Variants in LYST observed in about 807,000 individuals in gnomAD.
LYST encodes lysosomal trafficking regulator.
Under a neutral mutation model 413.6 loss-of-function variants are expected in LYST, and 192 were observed. That is an observed-to-expected ratio of 0.46 (90% confidence interval 0.41 to 0.52). The LOEUF (loss-of-function observed/expected upper bound fraction) is 0.52. Among genes scored for constraint, LYST ranks in the 20% least tolerant of loss-of-function variants. The pLI, the probability that LYST is intolerant of heterozygous loss-of-function variation, is 0.00. For synonymous variants in LYST, 1,525 were observed against 1,567.3 expected (o/e 0.97, Z 0.64); for missense variants, 3,815 against 4,499.9 (o/e 0.85, Z 4.35).
At chr1:235,775,670 G>A (rs191197918) in intron 17 of LYST, among the ~76,000 whole-genome samples, 1 of 152,064 alleles carries the variant, frequency 6.6e-6, no homozygotes, top group Non-Finnish European at 1.5e-5. Flanking sequence ...TTAAGGGAAG[G>A]CTACACAGAG....
At chr1:235,718,148 G>A (rs1160011153) in intron 40 of LYST, among the ~76,000 whole-genome samples, 3 of 150,518 alleles carry the variant, frequency 2.0e-5, no homozygotes, top group African/African-American at 4.9e-5. Context: ...ACAGGCGTGA[G>A]CCACCACGCC....
At position 235,775,026 on chromosome 1, in the gene LYST, A is replaced by C. The variant is rs531587890; in HGVS notation, c.5521T>G (p.Leu1841Val). The change falls in exon 18 of 53, where the codon TTA becomes GTA. Residue 1841 changes from leucine to valine, a missense_variant. By Grantham distance (32) the Leu-to-Val change is conservative (BLOSUM62 1). This residue lies in a region of LYST where 530 missense variants were observed against 696.5 expected (regional missense o/e 0.76). Coordinates refer to ENST00000389793, the MANE Select transcript of LYST (RefSeq NM_000081.4). ...ACTCTTTGTTGGTTGTATTTAATTA[A>C]TGAGAGTATAACTCGCAGTGCTAAT... ...QALALRVILS[L>V]IKYNQQRVHE... is the part of the protein sequence containing the mutation. 2 of 1,611,712 alleles carry C rather than the reference A, an allele frequency of 1.2e-6. No individual in the cohort carries two copies. The highest frequency in any genetic ancestry group is 1.7e-6 in the Non-Finnish European group (2 of 1,178,778).
At chr1:235,818,605 TAAAGATGCCAATA>T (rs1206555120) in intron 3 of LYST, among the ~76,000 whole-genome samples, 1 of 152,016 alleles carries the variant, frequency 6.6e-6, no homozygotes, top group Non-Finnish European at 1.5e-5. Context: ...TCAACATTTT[TAAAGATGCCAATA>T]AAAATGTACA....
chr1:235,863,280 T>G (rs1398720811), intron 1 of LYST, among the ~76,000 whole-genome samples: 1 of 151,922 alleles, frequency 6.6e-6, no homozygotes, highest in African/African-American at 2.4e-5. Flanking sequence ...TAGTCCCAGC[T>G]ACTCTGGAGG....
At chr1:235,744,682 C>A (rs1161564813) in intron 29 of LYST, among the ~76,000 whole-genome samples, 1 of 151,898 alleles carries the variant, frequency 6.6e-6, no homozygotes, top group Non-Finnish European at 1.5e-5. Flanking sequence ...CACAGATCAC[C>A]TGAGTCAAGG....
chr1:235,697,079 T>G lies in LYST; in HGVS notation c.10564+4A>C. The G allele has an allele frequency of 1.2e-6, 2 of 1,612,888 alleles. No homozygotes were observed. Among genetic ancestry groups the G allele is most frequent in the Non-Finnish European group, 1.7e-6 (2 of 1,178,816 alleles). ...AGAATGATCTTCGTTACATTTTATT[T>G]TACCTTGTTCCTTGCTATATGTCAT... On this transcript the variant is annotated splice_donor_region_variant and intron_variant, in intron 46 of 52. Transcript: ENST00000389793.
chr1:235,712,824 G>T (rs781171101), intron 42 of LYST: 1 of 984,708 alleles, frequency 1.0e-6, no homozygotes, highest in Non-Finnish European at 1.2e-6. Context: ...TTTTTCCAGG[G>T]TAGACTATTA....
chr1:235,832,819 A>G (rs1676135112), intron 2 of LYST, among the ~76,000 whole-genome samples: 3 of 152,164 alleles, frequency 2.0e-5, no homozygotes, highest in South Asian at 2.1e-4. Flanking sequence ...TAGGTTTTAC[A>G]TATTTCTTGT....
At chr1:235,761,785 C>CAAAAAAAAAA (rs1667614709) in intron 22 of LYST, among the ~76,000 whole-genome samples, 1 of 150,398 alleles carries the variant, frequency 6.6e-6, no homozygotes, top group African/African-American at 2.5e-5. Flanking sequence ...CAAAAAAAAA[C>CAAAAAAAAAA]CAGAAAGATG....
intron 31 of LYST, chr1:235,736,876 A>T (rs1399035478): frequency 2.0e-5 from 3 of 152,086 alleles, no homozygotes; most frequent in Non-Finnish European, 4.4e-5. Flanking sequence ...CTACACAGAG[A>T]GGGAAAAAAT....
At chr1:235,881,557 G>T (rs1681376516) in intron 1 of LYST, among the ~76,000 whole-genome samples, 1 of 152,140 alleles carries the variant, frequency 6.6e-6, no homozygotes, top group African/African-American at 2.4e-5. Flanking sequence ...AAAAGCCAAA[G>T]GGGAAGCAAT....
At chr1:235,807,625 G>A (rs565392402) in intron 5 of LYST, among the ~76,000 whole-genome samples, 1 of 152,132 alleles carries the variant, frequency 6.6e-6, no homozygotes, top group African/African-American at 2.4e-5. Context: ...GATATTGATA[G>A]GTTATTTTTG....
At chr1:235,795,083 T>C (rs1671413751) in intron 10 of LYST, among the ~76,000 whole-genome samples, 3 of 152,120 alleles carry the variant, frequency 2.0e-5, no homozygotes, top group Non-Finnish European at 4.4e-5. Context: ...CAACCTAGAA[T>C]TCCTTTGAAT....
intron 45 of LYST, among the ~76,000 whole-genome samples, chr1:235,698,263 T>C (rs1228075204): frequency 6.6e-6 from 1 of 152,158 alleles, no homozygotes; most frequent in African/African-American, 2.4e-5. Context: ...GTAAAAAACC[T>C]GATTTTTAGT....
intron 14 of LYST, among the ~76,000 whole-genome samples, chr1:235,783,248 A>G (rs1263698207): frequency 2.0e-5 from 3 of 152,174 alleles, no homozygotes; most frequent in African/African-American, 7.2e-5. Flanking sequence ...TGTTTCACAT[A>G]TAACATATAA....
intron 31 of LYST, chr1:235,737,921 G>GTA: frequency 3.3e-4 from 389 of 1,176,690 alleles, no homozygotes; most frequent in Admixed American, 2.1e-3. Flanking sequence ...CGACGAGTCT[G>GTA]GATCTCACTG....
chr1:235,670,105 C>G (rs1658811780), intron 50 of LYST, among the ~76,000 whole-genome samples: 1 of 151,000 alleles, frequency 6.6e-6, no homozygotes, highest in Middle Eastern at 3.4e-3. Flanking sequence ...CCTCTATATG[C>G]CCAGACATGC....
At chr1:235,822,051 A>G (rs1422036426) in intron 3 of LYST, among the ~76,000 whole-genome samples, 1 of 152,238 alleles carries the variant, frequency 6.6e-6, no homozygotes, top group Non-Finnish European at 1.5e-5. Flanking sequence ...GATTCACAGG[A>G]AACTCACAAC....
At chr1:235,875,595 C>A (rs893321267) in intron 1 of LYST, among the ~76,000 whole-genome samples, 3 of 152,206 alleles carry the variant, frequency 2.0e-5, no homozygotes, top group Admixed American at 2.0e-4. Context: ...CCCCACACAA[C>A]TGCTTGGTTG....
Sources: gnomAD v4.1 joint callset for allele counts (sites outside exome capture counted in the v4.1 genomes callset) on GRCh38, gnomAD v4.1.1 for gene constraint, gnomAD v4.1.1 regional missense constraint, MANE v1.5 for transcripts, NCBI Gene and HGNC (gene_info 2026-07-23, HGNC 2026-07-21) for gene names.